Variants in SFXN2 observed in about 807,000 individuals in gnomAD.
SFXN2 encodes sideroflexin-2.
SFXN2 carries 37 observed loss-of-function variants against 41.9 expected under a neutral mutation model. The observed-to-expected ratio is 0.88, with a 90% CI of 0.68 to 1.16. SFXN2 has a LOEUF of 1.16. Ranked by LOEUF, SFXN2 falls within the 50% of genes most tolerant of loss-of-function variation. The pLI is 0.00. For missense variants in SFXN2, 386 were observed against 425.2 expected (o/e 0.91, Z 0.81); for synonymous variants, 150 against 156.7 (o/e 0.96, Z 0.32).
Position 102,737,990 on chromosome 10 carries a change from C to T in SFXN2, c.*228C>T. 3.2e-6 allele frequency: 1 copy of T among 309,394 alleles called. No individual in the cohort carries two copies. The highest frequency in any genetic ancestry group is 8.0e-5 in the South Asian group (1 of 12,496). 19.2% of individuals were successfully genotyped at this position (309,394 alleles called of 1,614,324 possible). Reference sequence around the variant, plus strand: ...AAGGCCAATGTCTTCTAGCTGCTTCCTCAACCCCTGTCCCCTGGAGACCAG... The same window carrying T: ...AAGGCCAATGTCTTCTAGCTGCTTCTTCAACCCCTGTCCCCTGGAGACCAG... On this transcript the variant is annotated 3_prime_UTR_variant, in exon 12 of 12. Transcript: ENST00000369893.
Position 102,741,151 on chromosome 10 carries a change from G to A in SFXN2, c.*3389G>A, listed in dbSNP as rs1055304832. ...ACTAAAAGGCCTTGGTGTGGGAAGT[G>A]CTAATCCAGACTGTCCTATCCAATA... On this transcript the variant is annotated 3_prime_UTR_variant, in exon 12 of 12. Coordinates refer to ENST00000369893, the MANE Select transcript of SFXN2 (RefSeq NM_178858.6). 11 of 152,346 alleles carry A rather than the reference G, an allele frequency of 7.2e-5. No individual in the cohort carries two copies. The highest frequency in any genetic ancestry group is 2.4e-4 in the African/African-American group (10 of 41,580). The allele number at this position is 152,346 out of a possible 1,614,324, so 9.4% of individuals were successfully genotyped here. A position where few individuals can be genotyped will look rare whatever the true frequency, so the allele number is the denominator to read the frequency against.
rs1842779884 is a variant in SFXN2 at position 102,741,079 on chromosome 10, C to CT, written c.*3320dup. On this transcript the variant is annotated 3_prime_UTR_variant, in exon 12 of 12. Transcript: ENST00000369893. ...AGTCTCATTTTGTAACATCTCTCTTCTTTGAGTTGGCTGCTGTGGGATGTT... is the reference window on the plus strand; with the variant it reads ...AGTCTCATTTTGTAACATCTCTCTTCTTTTGAGTTGGCTGCTGTGGGATGTT... 1 of 152,222 alleles carries CT rather than the reference C, an allele frequency of 6.6e-6. No individual in the cohort carries two copies. Among genetic ancestry groups the CT allele is most frequent in the African/African-American group, 2.4e-5 (1 of 41,444 alleles). 9.4% of individuals were successfully genotyped at this position (152,222 alleles called of 1,614,324 possible).
Position 102,739,151 on chromosome 10 carries a change from GAAT to G in SFXN2, c.*1392_*1394del, listed in dbSNP as rs2064821388. ...TGTCCAACAGATATCACTGTGAATT[GAAT>G]AAATTTGTTGAAAGAGCACACAGGC... On this transcript the variant is annotated 3_prime_UTR_variant, in exon 12 of 12. Coordinates refer to ENST00000369893, the MANE Select transcript of SFXN2 (RefSeq NM_178858.6). The G allele has an allele frequency of 6.6e-6, 1 of 152,194 alleles. No individual in the cohort carries two copies. Among genetic ancestry groups the G allele is most frequent in the Admixed American group, 6.5e-5 (1 of 15,276 alleles). The allele number at this position is 152,194 out of a possible 1,614,324, so 9.4% of individuals were successfully genotyped here. A position where few individuals can be genotyped will look rare whatever the true frequency, so the allele number is the denominator to read the frequency against.
chr10:102,715,768 G>C (rs2064401222), intron 1 of SFXN2, among the ~76,000 whole-genome samples: 1 of 151,864 alleles, frequency 6.6e-6, no homozygotes, highest in Admixed American at 6.6e-5. Context: ...AACACAGTAG[G>C]ACCCTGCCTC....
intron 1 of SFXN2, among the ~76,000 whole-genome samples, chr10:102,722,925 CTTTTTTTT>C (rs71019608): frequency 1.9e-5 from 1 of 53,362 alleles, no homozygotes; most frequent in Middle Eastern, 0.017. Flanking sequence ...CAAGAAAGTC[CTTTTTTTT>C]TTTTTTTTTT....
At chr10:102,717,044 C>T (rs1044377196) in intron 1 of SFXN2, among the ~76,000 whole-genome samples, 4 of 151,872 alleles carry the variant, frequency 2.6e-5, no homozygotes, top group African/African-American at 7.3e-5. Context: ...AATCCATGTG[C>T]ACCTTTCTAG....
At chr10:102,717,340 C>A (rs1488799526) in intron 1 of SFXN2, among the ~76,000 whole-genome samples, 1 of 152,056 alleles carries the variant, frequency 6.6e-6, no homozygotes, top group East Asian at 1.9e-4. Context: ...ACAGGGTTAG[C>A]CAGGATGGTC....
At chr10:102,733,464 A>G in intron 9 of SFXN2, 90 bp from the exon 10 acceptor site, 1 of 1,096,406 alleles carries the variant, frequency 9.1e-7, no homozygotes, top group Non-Finnish European at 1.4e-6. Context: ...GGGCTTTTCT[A>G]GCTGGCTGAT....
Position 102,731,783 on chromosome 10 carries a change from G to C in SFXN2, c.654G>C (p.Arg218=), listed in dbSNP as rs1279656452. The C allele has an allele frequency of 6.2e-7, 1 of 1,613,664 alleles. No individual in the cohort carries two copies. The highest frequency in any genetic ancestry group is 1.3e-5 in the African/African-American group (1 of 75,046). ...DRNENEIGHS[R]RAAAIGITQV... ...ATGAAAATGAGATTGGTCATTCCCG[G>C]GTGAGCAGAGGCCTCCCTTTGGGGT... The change falls in exon 7 of 12, where the codon CGG becomes CGC. Residue 218 remains arginine (R), a splice_region_variant and synonymous_variant. Transcript: ENST00000369893.
intron 6 of SFXN2, among the ~76,000 whole-genome samples, chr10:102,730,915 G>A (rs894969722): frequency 3.9e-5 from 6 of 152,084 alleles, no homozygotes; most frequent in African/African-American, 7.2e-5. Context: ...GTGAAACCCC[G>A]TCTCTACTAA....
At chr10:102,717,352 C>T (rs911271726) in intron 1 of SFXN2, among the ~76,000 whole-genome samples, 2 of 152,020 alleles carry the variant, frequency 1.3e-5, no homozygotes, top group Non-Finnish European at 2.9e-5. Flanking sequence ...AGGATGGTCT[C>T]GATCTGACCT....
At position 102,738,965 on chromosome 10, in the gene SFXN2, C is replaced by A. The variant is rs1564748983; in HGVS notation, c.*1203C>A. On this transcript the variant is annotated 3_prime_UTR_variant, in exon 12 of 12. Transcript: ENST00000369893. Reference sequence around the variant, plus strand: ...TATTTGGAACCTTCTAAGAGGAAATCAACCAGGACCAAAGAGCCTTAAAGG... The same window carrying A: ...TATTTGGAACCTTCTAAGAGGAAATAAACCAGGACCAAAGAGCCTTAAAGG... 2 of 152,644 alleles carry A rather than the reference C, an allele frequency of 1.3e-5. No homozygotes were observed. Among genetic ancestry groups the A allele is most frequent in the Non-Finnish European group, 2.9e-5 (2 of 68,046 alleles). 9.5% of individuals were successfully genotyped at this position (152,644 alleles called of 1,614,324 possible). A position where few individuals can be genotyped will look rare whatever the true frequency, so the allele number is the denominator to read the frequency against.
chr10:102,717,119 T>G (rs1350867858), intron 1 of SFXN2, among the ~76,000 whole-genome samples: 1 of 132,214 alleles, frequency 7.6e-6, no homozygotes, highest in African/African-American at 2.9e-5. Context: ...TGACATTCTC[T>G]CTCTCTTTTT....
rs778809128 is a variant in SFXN2, at chr10:102,726,666, C to G, written c.30C>G (p.Ile10Met). ...AGGCTGACCTGTCTGGCTTTAACAT[C>G]GATGCCCCCCGTTGGGACCAGCGCA... Reference protein sequence around the residue: MEADLSGFNIDAPRWDQRTF... With the variant: MEADLSGFNMDAPRWDQRTF... Residue 10 changes from isoleucine (I) to methionine (M), a missense_variant, in exon 2 of 12, where the codon ATC becomes ATG. Coordinates refer to ENST00000369893, the MANE Select transcript of SFXN2 (RefSeq NM_178858.6). The G allele has an allele frequency of 1.9e-6, 3 of 1,614,078 alleles. No homozygotes were observed. The East Asian group carries it at 6.7e-5, about 36-fold the overall frequency.
intron 1 of SFXN2, among the ~76,000 whole-genome samples, chr10:102,722,038 T>C (rs1041776329): frequency 6.6e-5 from 10 of 152,198 alleles, no homozygotes; most frequent in Non-Finnish European, 1.5e-4. Context: ...CCAGCTGGTC[T>C]CCCTGCATCC....
chr10:102,733,967 A>G (rs2136059098), intron 10 of SFXN2, among the ~76,000 whole-genome samples: 1 of 151,898 alleles, frequency 6.6e-6, no homozygotes, highest in East Asian at 1.9e-4. Context: ...AGCTCGCTGC[A>G]ACCTCCACCT....
At chr10:102,723,953 A>AT (rs1200179705) in intron 1 of SFXN2, among the ~76,000 whole-genome samples, 2 of 151,954 alleles carry the variant, frequency 1.3e-5, no homozygotes, top group African/African-American at 4.8e-5. Flanking sequence ...CCCATTAGTT[A>AT]TTTTTTCTGA....
intron 11 of SFXN2, among the ~76,000 whole-genome samples, chr10:102,736,944 C>T (rs952627858): frequency 2.6e-4 from 40 of 151,700 alleles, no homozygotes; most frequent in Non-Finnish European, 5.4e-4. Flanking sequence ...CACCTGAGGT[C>T]GAGAGTTCAA....
chr10:102,734,121 C>T lies in SFXN2; in HGVS notation c.821+518C>T, dbSNP rs1170239417. Among the ~76,000 whole-genome samples the T allele has an allele frequency of 3.3e-5, 5 of 152,126 alleles. No homozygotes were observed. Among genetic ancestry groups the T allele is most frequent in the South Asian group, 2.1e-4 (1 of 4,832 alleles). On this transcript the variant is annotated intron_variant, in intron 10 of 11. Coordinates refer to ENST00000369893, the MANE Select transcript of SFXN2 (RefSeq NM_178858.6). The surrounding 1 kb of genome is among the most constrained non-coding windows in gnomAD (Gnocchi z 4.1). ...CTGACCTCAAGTGATCCACCTGCCT[C>T]GGCCTCCCAAATTGCTGGGATTATA...
Sources: allele counts gnomAD v4.1 joint callset (sites outside exome capture counted in the v4.1 genomes callset), GRCh38; gene constraint gnomAD v4.1.1; non-coding constraint Gnocchi (gnomAD v3.1); transcripts MANE v1.5; gene names NCBI Gene and HGNC (gene_info 2026-07-23, HGNC 2026-07-21).